ASAP1: variants seen among roughly 807,000 people sequenced by gnomAD.
The protein encoded by ASAP1 is ArfGAP with SH3 domain, ankyrin repeat and PH domain 1.
In ASAP1, 43 loss-of-function variants were observed where a neutral mutation model predicts 145.2. The observed-to-expected ratio is 0.30, with a 90% confidence interval of 0.23 to 0.38. The LOEUF is 0.38. Among genes scored for constraint, ASAP1 ranks in the 10% least tolerant of loss-of-function variants. The pLI is 1.00. For missense variants in ASAP1, 1,018 were observed against 1,355.3 expected (o/e 0.75, Z 3.91); for synonymous variants, 546 against 515.5 (o/e 1.06, Z -0.80).
chr8:130,195,858 C>G (rs553439099), intron 5 of ASAP1, among the ~76,000 whole-genome samples: 5 of 152,314 alleles, frequency 3.3e-5, no homozygotes, highest in Non-Finnish European at 7.3e-5. Context: ...AACAGTTTTC[C>G]CTCTGTATAT....
intron 9 of ASAP1, among the ~76,000 whole-genome samples, chr8:130,173,228 GAATAA>G (rs1813705374): frequency 6.6e-6 from 1 of 152,180 alleles, no homozygotes; most frequent in South Asian, 2.1e-4. Context: ...AGTTGTAGAA[GAATAA>G]AATAACCATG....
At chr8:130,076,795 C>T (rs984674946) in intron 26 of ASAP1, among the ~76,000 whole-genome samples, 4 of 152,218 alleles carry the variant, frequency 2.6e-5, no homozygotes, top group Non-Finnish European at 4.4e-5. Flanking sequence ...GCTGGGATTA[C>T]AGGCATGAGC....
chr8:130,319,287 T>C (rs1340230095), intron 3 of ASAP1, among the ~76,000 whole-genome samples: 1 of 152,216 alleles, frequency 6.6e-6, no homozygotes, highest in Non-Finnish European at 1.5e-5. Flanking sequence ...AAGAGAGCCA[T>C]TTCTGTTCTT....
At chr8:130,182,334 A>C (rs1419988759) in intron 7 of ASAP1, among the ~76,000 whole-genome samples, 1 of 152,264 alleles carries the variant, frequency 6.6e-6, no homozygotes, top group Non-Finnish European at 1.5e-5. Flanking sequence ...GGATGACGGA[A>C]TTCAATAAAT....
intron 3 of ASAP1, among the ~76,000 whole-genome samples, chr8:130,334,637 G>GA (rs1401533420): frequency 1.3e-5 from 2 of 152,168 alleles, no homozygotes; most frequent in East Asian, 1.9e-4. Flanking sequence ...AATTCAGAGG[G>GA]AAAAAAACAC....
At chr8:130,161,806 A>G (rs901863455) in intron 11 of ASAP1, among the ~76,000 whole-genome samples, 4 of 152,084 alleles carry the variant, frequency 2.6e-5, no homozygotes, top group Non-Finnish European at 5.9e-5. Flanking sequence ...ATACATATGT[A>G]TATATTTATT....
chr8:130,107,520 ATGTATGTATGTATGTATGT>A (rs755680827), intron 24 of ASAP1, among the ~76,000 whole-genome samples: 19 of 22,660 alleles, frequency 8.4e-4, no homozygotes, highest in Non-Finnish European at 1.5e-3. Context: ...TAAAAAATGT[ATGTATGTATGTATGTATGT>A]ATGTATGTAT....
At chr8:130,404,427 C>T (rs1828935450) in intron 1 of ASAP1, among the ~76,000 whole-genome samples, 1 of 152,222 alleles carries the variant, frequency 6.6e-6, no homozygotes, top group Non-Finnish European at 1.5e-5. Flanking sequence ...CAGTGTGGTA[C>T]TGGCATAAGG....
Position 130,265,573 on chromosome 8 carries a change from T to TAA in ASAP1, c.187-28581_187-28580dup, listed in dbSNP as rs79247144. 8.4e-3 allele frequency among the ~76,000 whole-genome samples: 1,008 copies of TAA among 119,478 alleles called. 15 individuals are homozygous for TAA. The highest frequency in any genetic ancestry group is 0.067 in the East Asian group (278 of 4,130). 78.4% of individuals were successfully genotyped at this position (119,478 alleles called of 152,430 possible). ...GGGTAACAGAGTGAAACCCTGTCTT[T>TAA]AAAAAAAAAAAAAAAAAAAGGTCAG... is the stretch of plus-strand genomic sequence containing the variant. On this transcript the variant is annotated intron_variant, in intron 3 of 29. Transcript: ENST00000518721.
At chr8:130,102,355 C>T (rs1362341110) in intron 24 of ASAP1, among the ~76,000 whole-genome samples, 1 of 152,160 alleles carries the variant, frequency 6.6e-6, no homozygotes, top group African/African-American at 2.4e-5. Context: ...TTTAGGTCAT[C>T]ATATGGCTTT....
At chr8:130,156,520 A>T (rs1470352280) in intron 12 of ASAP1, among the ~76,000 whole-genome samples, 1 of 152,206 alleles carries the variant, frequency 6.6e-6, no homozygotes, top group Non-Finnish European at 1.5e-5. Context: ...AGAGTATTTC[A>T]TCTATGTGTG....
At chr8:130,276,752 T>C (rs1315607395) in intron 3 of ASAP1, among the ~76,000 whole-genome samples, 2 of 150,520 alleles carry the variant, frequency 1.3e-5, no homozygotes, top group East Asian at 3.9e-4. Flanking sequence ...TCTCTCTCTC[T>C]CTCTCTCTCC....
chr8:130,216,718 C>T (rs1345881608), intron 4 of ASAP1, among the ~76,000 whole-genome samples: 2 of 152,108 alleles, frequency 1.3e-5, no homozygotes, highest in Non-Finnish European at 2.9e-5. Context: ...TTGATATCCC[C>T]AGCCCAGAAA....
intron 13 of ASAP1, among the ~76,000 whole-genome samples, chr8:130,151,341 A>C (rs2097645762): frequency 7.8e-6 from 1 of 128,292 alleles, no homozygotes; most frequent in African/African-American, 2.9e-5. Context: ...ACTGCACTCC[A>C]GCCTGGGTGA....
chr8:130,193,234 T>C (rs1815262435), intron 5 of ASAP1, among the ~76,000 whole-genome samples: 1 of 152,200 alleles, frequency 6.6e-6, no homozygotes, highest in South Asian at 2.1e-4. Flanking sequence ...CCAGGCATGG[T>C]GGCACACATC....
At chr8:130,320,091 T>C (rs975424647) in intron 3 of ASAP1, among the ~76,000 whole-genome samples, 2 of 152,224 alleles carry the variant, frequency 1.3e-5, no homozygotes, top group Non-Finnish European at 2.9e-5. Context: ...TAATGAGAAA[T>C]TACTTACAAT....
At chr8:130,337,209 A>G (rs1213281847) in intron 3 of ASAP1, among the ~76,000 whole-genome samples, 1 of 152,242 alleles carries the variant, frequency 6.6e-6, no homozygotes, top group Non-Finnish European at 1.5e-5. Flanking sequence ...CATGTTTTCC[A>G]TGTTAAATTA....
chr8:130,072,825 G>GTGTGTGTGTGTGTGTGTGCA, intron 27 of ASAP1, among the ~76,000 whole-genome samples: 7 of 54,114 alleles, frequency 1.3e-4, no homozygotes, highest in East Asian at 4.0e-4. Context: ...GTGTGTGTGT[G>GTGTGTGTGTGTGTGTGTGCA]CGCGCGGGGG....
At chr8:130,068,226 T>C (rs1284973592) in intron 27 of ASAP1, among the ~76,000 whole-genome samples, 3 of 152,196 alleles carry the variant, frequency 2.0e-5, no homozygotes, top group African/African-American at 4.8e-5. Context: ...TTGTCTATAA[T>C]GGCTAAAATA....
Sources: gnomAD v4.1 joint callset for allele counts (sites outside exome capture counted in the v4.1 genomes callset) on GRCh38, gnomAD v4.1.1 for gene constraint, MANE v1.5 for transcripts, NCBI Gene and HGNC (gene_info 2026-07-23, HGNC 2026-07-21) for gene names.